The following GNAQ variants were observed in gnomAD, a reference collection of about 807,000 sequenced individuals.
The protein encoded by GNAQ is guanine nucleotide-binding protein G(q) subunit alpha.
GNAQ carries 8 observed loss-of-function variants against 43.9 expected under a neutral mutation model. The observed-to-expected ratio is 0.18, with a 90% CI of 0.11 to 0.33. The LOEUF is 0.33. Among genes scored for constraint, GNAQ ranks in the 10% least tolerant of loss-of-function variants. The pLI is 1.00. For synonymous variants in GNAQ, 155 were observed against 170.7 expected (o/e 0.91, Z 0.71); for missense variants, 158 against 450.8 (o/e 0.35, Z 5.88).
intron 2 of GNAQ, among the ~76,000 whole-genome samples, chr9:77,846,452 T>C (rs527446542): frequency 5.9e-5 from 9 of 152,178 alleles, no homozygotes; most frequent in Non-Finnish European, 1.2e-4. Context: ...CTGATTATGA[T>C]AGGAAAAAAG....
At chr9:77,987,585 T>A (rs575336807) in intron 1 of GNAQ, among the ~76,000 whole-genome samples, 1 of 152,136 alleles carries the variant, frequency 6.6e-6, no homozygotes, top group Admixed American at 6.6e-5. Context: ...AATCTATACA[T>A]GAGTCATTCA....
Position 77,718,061 on chromosome 9 carries a change from T to G in GNAQ, c.*3262A>C, listed in dbSNP as rs1825252118. 1 of 232,814 alleles carries G rather than the reference T, an allele frequency of 4.3e-6. No individual in the cohort carries two copies. Among genetic ancestry groups the G allele is most frequent in the African/African-American group, 2.2e-5 (1 of 45,348 alleles). The allele number at this position is 232,814 out of a possible 1,614,324, so 14.4% of individuals were successfully genotyped here. On this transcript the variant is annotated 3_prime_UTR_variant, in exon 7 of 7. Coordinates refer to ENST00000286548, the MANE Select transcript of GNAQ (RefSeq NM_002072.5). ...GTCACGCAAAAAGGGAAAAATCATCTGTAAACTGGTACACTGCAATGTGTT... is the reference window on the plus strand; with the variant it reads ...GTCACGCAAAAAGGGAAAAATCATCGGTAAACTGGTACACTGCAATGTGTT...
At chr9:77,792,431 A>T (rs578216408) in intron 5 of GNAQ, among the ~76,000 whole-genome samples, 1 of 152,292 alleles carries the variant, frequency 6.6e-6, no homozygotes, top group Admixed American at 6.5e-5. Context: ...TAATTATGAC[A>T]CATGATAATA....
chr9:77,980,731 G>A (rs1179451065), intron 1 of GNAQ, among the ~76,000 whole-genome samples: 1 of 152,018 alleles, frequency 6.6e-6, no homozygotes, highest in African/African-American at 2.4e-5. Flanking sequence ...GGCTTTGTAT[G>A]TGAATCACTT....
intron 4 of GNAQ, 62 bp downstream of exon 4, chr9:77,797,458 G>A (rs1243854546): frequency 2.3e-6 from 3 of 1,290,768 alleles, no homozygotes; most frequent in Non-Finnish European, 3.4e-6. Context: ...TATTTATAGA[G>A]TTTACCAAAT....
intron 1 of GNAQ, among the ~76,000 whole-genome samples, chr9:77,945,088 C>T (rs909489965): frequency 2.6e-5 from 4 of 152,058 alleles, no homozygotes; most frequent in Admixed American, 1.3e-4. Flanking sequence ...TTGTAAATTC[C>T]GAGAATATCA....
chr9:77,924,649 C>T (rs1221837850), intron 1 of GNAQ, among the ~76,000 whole-genome samples: 1 of 152,168 alleles, frequency 6.6e-6, no homozygotes, highest in Non-Finnish European at 1.5e-5. Context: ...ACATTTGGCA[C>T]TTCTTTGGAT....
At chr9:77,937,793 G>A (rs1451858476) in intron 1 of GNAQ, among the ~76,000 whole-genome samples, 4 of 152,210 alleles carry the variant, frequency 2.6e-5, no homozygotes, top group Non-Finnish European at 5.9e-5. Flanking sequence ...TCGGGAGGCT[G>A]AGGCAGGAGA....
chr9:77,726,920 A>G (rs149205182), intron 6 of GNAQ, among the ~76,000 whole-genome samples: 14 of 152,302 alleles, frequency 9.2e-5, no homozygotes, highest in Non-Finnish European at 2.1e-4. Context: ...AGGCTTTGCA[A>G]ACAATTCTAT....
chr9:78,025,539 C>T (rs1823966949), intron 1 of GNAQ, among the ~76,000 whole-genome samples: 1 of 152,192 alleles, frequency 6.6e-6, no homozygotes, highest in Non-Finnish European at 1.5e-5. Flanking sequence ...AAAAGTTTTC[C>T]TTTGAAAAAT....
At chr9:77,843,995 A>G (rs977798938) in intron 2 of GNAQ, among the ~76,000 whole-genome samples, 7 of 152,190 alleles carry the variant, frequency 4.6e-5, no homozygotes, top group Non-Finnish European at 8.8e-5. Context: ...GCAGAATCCA[A>G]TAAGTGCCAA....
chr9:77,757,317 C>G (rs1047627489), intron 5 of GNAQ, among the ~76,000 whole-genome samples: 1 of 152,150 alleles, frequency 6.6e-6, no homozygotes, highest in African/African-American at 2.4e-5. Flanking sequence ...GATGACTATA[C>G]TCATTTATCT....
At chr9:77,947,253 G>A (rs533659295) in intron 1 of GNAQ, among the ~76,000 whole-genome samples, 3 of 152,316 alleles carry the variant, frequency 2.0e-5, no homozygotes, top group South Asian at 4.1e-4. Flanking sequence ...GAAGGGTGAG[G>A]ACCAGTCTAT....
intron 1 of GNAQ, among the ~76,000 whole-genome samples, chr9:77,991,543 A>G (rs1162239392): frequency 6.6e-6 from 1 of 152,156 alleles, no homozygotes; most frequent in South Asian, 2.1e-4. Context: ...AACTCCTTTC[A>G]GTATTCCCCT....
intron 5 of GNAQ, among the ~76,000 whole-genome samples, chr9:77,731,435 T>A (rs1020911923): frequency 3.3e-5 from 5 of 152,170 alleles, no homozygotes; most frequent in African/African-American, 9.6e-5. Flanking sequence ...CACCCATGCA[T>A]GCAGTCTGGG....
At chr9:77,939,587 T>G (rs878981205) in intron 1 of GNAQ, among the ~76,000 whole-genome samples, 1 of 151,970 alleles carries the variant, frequency 6.6e-6, no homozygotes, top group Admixed American at 6.6e-5. Flanking sequence ...TCTCCAGAAA[T>G]GAATAATACA....
chr9:77,925,130 G>C (rs1376145790), intron 1 of GNAQ, among the ~76,000 whole-genome samples: 6 of 151,992 alleles, frequency 3.9e-5, no homozygotes. Context: ...CTTGGCCCCA[G>C]GTTACTGCAC....
At chr9:77,974,944 C>G (rs547121536) in intron 1 of GNAQ, among the ~76,000 whole-genome samples, 2 of 152,268 alleles carry the variant, frequency 1.3e-5, no homozygotes, top group African/African-American at 4.8e-5. Context: ...AAAATTCTAC[C>G]TGCCAAATAA....
At chr9:77,958,196 A>G (rs892952572) in intron 1 of GNAQ, among the ~76,000 whole-genome samples, 2 of 152,188 alleles carry the variant, frequency 1.3e-5, no homozygotes, top group Non-Finnish European at 2.9e-5. Flanking sequence ...TTATCAGTTA[A>G]TGCTGGCTTT....
Sources: gnomAD v4.1 joint callset for allele counts (sites outside exome capture counted in the v4.1 genomes callset) on GRCh38, gnomAD v4.1.1 for gene constraint, MANE v1.5 for transcripts, NCBI Gene and HGNC (gene_info 2026-07-23, HGNC 2026-07-21) for gene names.